TTC39C: variants seen among roughly 807,000 people sequenced by gnomAD.
TTC39C encodes tetratricopeptide repeat domain 39C, also known as tetratricopeptide repeat protein 39C.
In TTC39C, 33 loss-of-function variants were observed where a neutral mutation model predicts 76.3. The ratio of observed to expected loss-of-function variants is 0.43; its 90% confidence interval spans 0.33 to 0.58. The LOEUF is 0.58. Among genes scored for constraint, TTC39C ranks in the 20% least tolerant of loss-of-function variants. The probability of loss-of-function intolerance (pLI) is 0.04; values close to 1 mark genes in which losing one functional copy is unlikely to be tolerated. For missense variants in TTC39C, 595 were observed against 701.4 expected, an observed-to-expected ratio of 0.85 and a Z score of 1.71; for synonymous variants, 254 against 260.6, an observed-to-expected ratio of 0.97 and a Z score of 0.24.
At chr18:24,111,786 C>A (rs1305204955) in intron 6 of TTC39C, among the ~76,000 whole-genome samples, 1 of 151,852 alleles carries the variant, frequency 6.6e-6, no homozygotes, top group African/African-American at 2.4e-5. Flanking sequence ...CCCATAATCC[C>A]AGCTACTTAG....
At chr18:24,065,328 G>A (rs933672207) in intron 2 of TTC39C, among the ~76,000 whole-genome samples, 4 of 152,208 alleles carry the variant, frequency 2.6e-5, no homozygotes, top group African/African-American at 7.2e-5. Context: ...CAGGTATCCC[G>A]CAGCAAGTCT....
At chr18:24,046,063 C>T (rs186112524) in intron 1 of TTC39C, among the ~76,000 whole-genome samples, 8,903 of 149,396 alleles carry the variant, frequency 0.06, 272 homozygotes, top group Middle Eastern at 0.15. Context: ...CTCAGCCTCC[C>T]GAGTAGCTGG....
chr18:24,089,121 A>C (rs966424201), intron 6 of TTC39C, among the ~76,000 whole-genome samples: 1 of 152,192 alleles, frequency 6.6e-6, no homozygotes, highest in Non-Finnish European at 1.5e-5. Flanking sequence ...TATTTATCAG[A>C]TAGAAGAAAG....
chr18:24,071,498 CTT>C (rs1187132450), intron 4 of TTC39C, among the ~76,000 whole-genome samples: 4 of 152,200 alleles, frequency 2.6e-5, no homozygotes, highest in African/African-American at 7.2e-5. Context: ...GAGAAAATCT[CTT>C]TTTATTAATG....
chr18:24,023,979 TACATATATATATATATATATATA>T (rs2083557846), intron 1 of TTC39C, among the ~76,000 whole-genome samples: 4 of 10,310 alleles, frequency 3.9e-4, no homozygotes, highest in Admixed American at 9.8e-4. Flanking sequence ...TATATATATA[TACATATATATATATATATATATA>T]TATATATATA....
At chr18:24,029,813 T>C (rs1459330429) in intron 1 of TTC39C, among the ~76,000 whole-genome samples, 1 of 152,254 alleles carries the variant, frequency 6.6e-6, no homozygotes, top group Non-Finnish European at 1.5e-5. Context: ...TTTATCCAGG[T>C]TACTGTGAAT....
intron 7 of TTC39C, among the ~76,000 whole-genome samples, chr18:24,115,378 G>C (rs371582425): frequency 1.3e-5 from 2 of 152,142 alleles, no homozygotes; most frequent in African/African-American, 4.8e-5. Flanking sequence ...ATTGTGCTGG[G>C]AAGAGTAAAC....
intron 6 of TTC39C, chr18:24,113,835 C>A (rs141260304): frequency 6.4e-6 from 4 of 621,422 alleles, no homozygotes; most frequent in Non-Finnish European, 1.2e-5. Flanking sequence ...GTAAGTAGAG[C>A]GGACATTTGA....
In TTC39C at chr18:24,064,094, G is replaced by A. The variant is rs144577374; in HGVS notation, c.168-46G>A. 1,232 of 1,604,566 alleles carry A rather than the reference G, an allele frequency of 7.7e-4. 8 individuals are homozygous for A. The African/African-American group carries it at 0.013, about 18-fold the overall frequency. On this transcript the variant is annotated intron_variant, in intron 1 of 13. Transcript: ENST00000317571. ...AATGCTTTTAAAATAAAATTTTACA[G>A]TGAAAATAATTGTATTTTGTGTGTG...
intron 6 of TTC39C, among the ~76,000 whole-genome samples, chr18:24,096,780 C>T (rs1266513083): frequency 3.9e-5 from 6 of 152,098 alleles, no homozygotes; most frequent in African/African-American, 1.4e-4. Context: ...ACTTCAAAAA[C>T]TTCATTGACA....
intron 6 of TTC39C, among the ~76,000 whole-genome samples, chr18:24,097,250 A>G (rs1034613261): frequency 6.6e-6 from 1 of 152,208 alleles, no homozygotes; most frequent in Non-Finnish European, 1.5e-5. Context: ...TGCCTTGAGC[A>G]TCCCAAAAAA....
At chr18:24,093,674 A>G (rs935821483) in intron 6 of TTC39C, among the ~76,000 whole-genome samples, 2 of 152,188 alleles carry the variant, frequency 1.3e-5, no homozygotes, top group African/African-American at 4.8e-5. Context: ...AGTGAGTCAC[A>G]TGAATTTTTT....
At chr18:23,994,756 G>T (rs1040069116) in intron 1 of TTC39C, among the ~76,000 whole-genome samples, 2 of 152,176 alleles carry the variant, frequency 1.3e-5, no homozygotes, top group Admixed American at 1.3e-4. Context: ...AGCAGCAGCA[G>T]CATCTATGAA....
chr18:24,116,819 G>GTTTT (rs767138108), intron 7 of TTC39C, among the ~76,000 whole-genome samples: 9 of 95,058 alleles, frequency 9.5e-5, no homozygotes, highest in Non-Finnish European at 7.9e-5. Flanking sequence ...TGATACCTTA[G>GTTTT]TTTTTTTTTT....
upstream of TTC39C, chr18:24,014,623 G>A (rs1016603965): frequency 2.6e-6 from 1 of 383,076 alleles, no homozygotes. Flanking sequence ...CGAGAGGAGC[G>A]GGCGGGTGCT....
chr18:24,064,059 TG>T, intron 1 of TTC39C, 80 bp from the exon 2 acceptor site: 1 of 1,573,636 alleles, frequency 6.4e-7, no homozygotes, highest in Admixed American at 1.8e-5. Flanking sequence ...ATGGTAATCA[TG>T]ATATGTCAAA....
At chr18:24,022,722 A>G in intron 1 of TTC39C, 1 of 985,396 alleles carries the variant, frequency 1.0e-6, no homozygotes, top group South Asian at 4.7e-5. Context: ...AGTCTTGTGT[A>G]GGATAAAGCC....
At chr18:24,017,145 G>C (rs1248856475) in intron 1 of TTC39C, among the ~76,000 whole-genome samples, 1 of 152,184 alleles carries the variant, frequency 6.6e-6, no homozygotes, top group Non-Finnish European at 1.5e-5. Context: ...AAGACAGGTA[G>C]ACAGAGATGG....
At chr18:24,015,103 C>T in intron 1 of TTC39C, 65 bp downstream of exon 1, 1 of 1,339,638 alleles carries the variant, frequency 7.5e-7, no homozygotes. Context: ...TCACGCGCCT[C>T]GACCTGCGGC....
Sources: allele counts gnomAD v4.1 joint callset (sites outside exome capture counted in the v4.1 genomes callset), GRCh38; gene constraint gnomAD v4.1.1; transcripts MANE v1.5; gene names NCBI Gene and HGNC (gene_info 2026-07-23, HGNC 2026-07-21).